The following MAN1C1 variants were observed in gnomAD, a reference collection of about 807,000 sequenced individuals.
MAN1C1 encodes the protein mannosyl-oligosaccharide 1,2-alpha-mannosidase IC.
A neutral mutation model predicts 71.5 loss-of-function variants in MAN1C1; 49 were observed. The observed-to-expected ratio is 0.69, with a 90% CI of 0.54 to 0.87. The LOEUF (loss-of-function observed/expected upper bound fraction) is 0.87. Ranked by LOEUF, MAN1C1 falls within the 40% of genes least tolerant of loss-of-function variation. The pLI is 0.00. For synonymous variants in MAN1C1, 352 were observed against 343.7 expected, an observed-to-expected ratio of 1.02 and a Z score of -0.27; for missense variants, 743 against 835.0, an observed-to-expected ratio of 0.89 and a Z score of 1.36.
chr1:25,716,547 G>A (rs980283720), intron 2 of MAN1C1, among the ~76,000 whole-genome samples: 1 of 152,094 alleles, frequency 6.6e-6, no homozygotes. Context: ...AGCTGTTCTC[G>A]AATTCCTAAG....
At chr1:25,721,832 T>C (rs1242807348) in intron 2 of MAN1C1, among the ~76,000 whole-genome samples, 1 of 152,230 alleles carries the variant, frequency 6.6e-6, no homozygotes, top group African/African-American at 2.4e-5. Context: ...TGTTTATTCC[T>C]GATCCTGGGG....
intron 5 of MAN1C1, among the ~76,000 whole-genome samples, chr1:25,755,299 G>A (rs988634865): frequency 1.1e-4 from 16 of 152,158 alleles, no homozygotes; most frequent in African/African-American, 2.9e-4. Context: ...GGAGAGTGAC[G>A]GTGGCCTGTG....
Position 25,753,559 on chromosome 1 carries a change from G to A in MAN1C1, c.910G>A (p.Gly304Ser), listed in dbSNP as rs750595580. Residue 304 changes from glycine (G) to serine (S), a missense_variant, in exon 5 of 12, where the codon GGC becomes AGC. Physicochemically the swap from Gly to Ser is moderately conservative, Grantham distance 56. Transcript: ENST00000374332. This position sits in a 1 kb window ranked among gnomAD's most constrained non-coding sequence, Gnocchi z 4.9. ...AFNTPTGIPKGVVSFKSGNWG... is the reference protein window; with the variant it reads ...AFNTPTGIPKSVVSFKSGNWG... ...CAACACCCCCACGGGAATCCCAAAGGGCGTGGTGAGCTTCAAAAGGTAGGG... is the reference window on the plus strand; with the variant it reads ...CAACACCCCCACGGGAATCCCAAAGAGCGTGGTGAGCTTCAAAAGGTAGGG... The A allele has an allele frequency of 1.8e-4, 293 of 1,613,534 alleles. No individual in the cohort carries two copies. Among genetic ancestry groups the A allele is most frequent in the Non-Finnish European group, 2.0e-4 (238 of 1,179,792 alleles).
intron 5 of MAN1C1, among the ~76,000 whole-genome samples, chr1:25,755,060 C>T (rs1034262028): frequency 4.6e-5 from 7 of 152,168 alleles, no homozygotes; most frequent in African/African-American, 9.6e-5. Context: ...CACCTGCCCC[C>T]GGCAGGGCTC....
intron 2 of MAN1C1, among the ~76,000 whole-genome samples, chr1:25,722,830 T>A (rs897893332): frequency 2.0e-5 from 3 of 152,206 alleles, no homozygotes; most frequent in Admixed American, 6.5e-5. Context: ...GAGTGGGCTC[T>A]GCTGACTGAT....
At chr1:25,706,004 A>G (rs757410905) in intron 2 of MAN1C1, among the ~76,000 whole-genome samples, 1 of 152,230 alleles carries the variant, frequency 6.6e-6, no homozygotes, top group South Asian at 2.1e-4. Flanking sequence ...AGAAATATCC[A>G]CATTTTACAG....
chr1:25,617,878 C>T lies in MAN1C1; in HGVS notation c.81C>T (p.Leu27=), dbSNP rs1192591081. 1 of 1,608,922 alleles carries T rather than the reference C, an allele frequency of 6.2e-7. No homozygotes were observed. The highest frequency in any genetic ancestry group is 1.1e-5 in the South Asian group (1 of 90,362). Residue 27 remains leucine, a synonymous_variant, in exon 1 of 12, where the codon CTC becomes CTT. Transcript: ENST00000374332. This position sits in a 1 kb window ranked among gnomAD's most constrained non-coding sequence, Gnocchi z 5.1. ...LRLPQKFLFL[L]FLSGLVTLCF... ...TGCCGCAGAAGTTCCTCTTCCTCCT[C>T]TTCCTCTCGGGCCTGGTCACCCTGT...
rs2046606084 is a variant in MAN1C1, at chr1:25,710,970, C to T, written c.637+24434C>T. Reference sequence around the variant, plus strand: ...TGGAAGGCTGAACTCATTGTATCAACTAACGGTTGCTGTGTAACAAACCAC... The same window carrying T: ...TGGAAGGCTGAACTCATTGTATCAATTAACGGTTGCTGTGTAACAAACCAC... On this transcript the variant is annotated intron_variant, in intron 2 of 11. Coordinates refer to ENST00000374332, the MANE Select transcript of MAN1C1 (RefSeq NM_020379.4). Among the ~76,000 whole-genome samples the T allele has an allele frequency of 1.3e-5, 2 of 152,198 alleles. 1 individual carries two copies. The highest frequency in any genetic ancestry group is 4.1e-4 in the South Asian group (2 of 4,828).
chr1:25,729,141 T>C (rs1003490215), intron 2 of MAN1C1, among the ~76,000 whole-genome samples: 1 of 152,208 alleles, frequency 6.6e-6, no homozygotes, highest in African/African-American at 2.4e-5. Flanking sequence ...GCATTTGAAG[T>C]CTTTCCCAGG....
intron 1 of MAN1C1, among the ~76,000 whole-genome samples, chr1:25,655,790 G>T (rs2045755752): frequency 6.6e-6 from 1 of 152,164 alleles, no homozygotes; most frequent in Non-Finnish European, 1.5e-5. Context: ...GTTAATAGGA[G>T]AGTTAATAGG....
intron 2 of MAN1C1, among the ~76,000 whole-genome samples, chr1:25,736,108 CT>C (rs1258562948): frequency 6.6e-6 from 1 of 152,172 alleles, no homozygotes; most frequent in African/African-American, 2.4e-5. Flanking sequence ...ACTTTGATGT[CT>C]GGTGGGATGA....
Position 25,775,565 on chromosome 1 carries a change from A to G in MAN1C1, c.1258-2540A>G, listed in dbSNP as rs977188619. Among the ~76,000 whole-genome samples, 2 of 152,210 alleles carry G rather than the reference A, an allele frequency of 1.3e-5. No homozygotes were observed. Among genetic ancestry groups the G allele is most frequent in the African/African-American group, 4.8e-5 (2 of 41,458 alleles). On this transcript the variant is annotated intron_variant, in intron 8 of 11. Transcript: ENST00000374332. The surrounding 1 kb of genome is among the most constrained non-coding windows in gnomAD (Gnocchi z 5.1). ...CTCAGAGTCTGAGAGAGAGACAGATATACAACAGAAACAGATGCCAAGTAG... is the reference window on the plus strand; with the variant it reads ...CTCAGAGTCTGAGAGAGAGACAGATGTACAACAGAAACAGATGCCAAGTAG...
intron 1 of MAN1C1, chr1:25,645,941 C>G (rs952048703): frequency 6.6e-6 from 1 of 152,292 alleles, no homozygotes; most frequent in African/African-American, 2.4e-5. Flanking sequence ...TTGGCTTTTG[C>G]TGTCTTGCCC....
At chr1:25,668,258 G>A (rs1335028115) in intron 1 of MAN1C1, among the ~76,000 whole-genome samples, 2 of 151,636 alleles carry the variant, frequency 1.3e-5, no homozygotes, top group African/African-American at 2.4e-5. Context: ...CACCCACTCA[G>A]TTATCCCCCA....
intron 2 of MAN1C1, among the ~76,000 whole-genome samples, chr1:25,726,206 G>A (rs966989008): frequency 2.0e-5 from 3 of 152,188 alleles, no homozygotes; most frequent in African/African-American, 7.2e-5. Context: ...AGGTGGAGAG[G>A]TTATCTGACC....
chr1:25,750,669 A>C (rs2047202021), intron 4 of MAN1C1, among the ~76,000 whole-genome samples: 1 of 152,222 alleles, frequency 6.6e-6, no homozygotes, highest in Admixed American at 6.5e-5. Context: ...TCCTCAGCAG[A>C]GATTAGCGCT....
rs184006433 is a variant in MAN1C1 at position 25,638,965 on chromosome 1, T to C, written c.540+20628T>C. Among the ~76,000 whole-genome samples the C allele has an allele frequency of 5.8e-4, 88 of 152,306 alleles. 1 individual carries two copies. The highest frequency in any genetic ancestry group is 2.1e-3 in the African/African-American group (86 of 41,592). On this transcript the variant is annotated intron_variant, in intron 1 of 11. Transcript: ENST00000374332. ...CTTCTCAGCCCATCTCCTTTTCTTT[T>C]ATAACTCCAGTTACATATAAGTTAG...
intron 1 of MAN1C1, among the ~76,000 whole-genome samples, chr1:25,624,818 C>T (rs990452831): frequency 2.0e-5 from 3 of 152,176 alleles, no homozygotes; most frequent in Middle Eastern, 3.4e-3. Flanking sequence ...GCCTCGTGGT[C>T]GCCATAAAAT....
chr1:25,663,861 C>T (rs2045884559), intron 1 of MAN1C1, among the ~76,000 whole-genome samples: 1 of 152,192 alleles, frequency 6.6e-6, no homozygotes, highest in African/African-American at 2.4e-5. Flanking sequence ...TCCATAAGAT[C>T]ACTTTCCAAA....
Sources: allele counts gnomAD v4.1 joint callset (sites outside exome capture counted in the v4.1 genomes callset), GRCh38; gene constraint gnomAD v4.1.1; non-coding constraint Gnocchi (gnomAD v3.1); transcripts MANE v1.5; gene names NCBI Gene and HGNC (gene_info 2026-07-23, HGNC 2026-07-21).